The following IL1RAPL2 variants were observed in gnomAD, a reference collection of about 807,000 sequenced individuals.
IL1RAPL2 encodes interleukin 1 receptor accessory protein like 2, also known as X-linked interleukin-1 receptor accessory protein-like 2.
In IL1RAPL2, 3 loss-of-function variants were observed where a neutral mutation model predicts 44.1. That is an observed-to-expected ratio of 0.07 (90% CI 0.03 to 0.18). IL1RAPL2 has a LOEUF of 0.18. IL1RAPL2 is among the 10% of genes least tolerant of loss of function. IL1RAPL2 has a pLI of 1.00. For synonymous variants in IL1RAPL2, 181 were observed against 178.8 expected (o/e 1.01, Z -0.10); for missense variants, 391 against 496.4 (o/e 0.79, Z 2.02).
At chrX:105,577,467 G>A (rs2037058942) in intron 6 of IL1RAPL2, among the ~76,000 whole-genome samples, 1 of 110,792 alleles carries the variant, frequency 9.0e-6, no homozygotes, top group Admixed American at 9.7e-5. Flanking sequence ...CAAGGTTATA[G>A]TTATATCAAA....
intron 1 of IL1RAPL2, among the ~76,000 whole-genome samples, chrX:104,651,766 G>C (rs1417154705): frequency 9.0e-6 from 1 of 111,537 alleles, no homozygotes; most frequent in African/African-American, 3.3e-5. Flanking sequence ...AGACAGAGGA[G>C]CTAGAATGGG....
chrX:105,595,300 TCTTCCAC>T (rs980337895), intron 6 of IL1RAPL2, among the ~76,000 whole-genome samples: 1 of 111,966 alleles, frequency 8.9e-6, no homozygotes, highest in African/African-American at 3.2e-5. Context: ...AAAAAATATT[TCTTCCAC>T]CAAACAAGTT....
At chrX:104,928,355 T>C (rs1924821301) in intron 2 of IL1RAPL2, among the ~76,000 whole-genome samples, 1 of 111,462 alleles carries the variant, frequency 9.0e-6, no homozygotes, top group African/African-American at 3.3e-5. Context: ...CCACCGAGTG[T>C]CTTATCAGTC....
chrX:105,511,496 A>G (rs936883664), intron 6 of IL1RAPL2, among the ~76,000 whole-genome samples: 3 of 110,656 alleles, frequency 2.7e-5, no homozygotes, highest in Non-Finnish European at 5.7e-5. Flanking sequence ...TCTAGCCACA[A>G]AGAATTTTCT....
At chrX:105,072,272 G>A (rs1042456159) in intron 2 of IL1RAPL2, among the ~76,000 whole-genome samples, 11 of 111,633 alleles carry the variant, frequency 9.9e-5, no homozygotes, top group African/African-American at 3.6e-4. Context: ...CTTCCCATCC[G>A]CAGAACCATT....
At chrX:105,665,742 G>GT (rs1178543516) in intron 6 of IL1RAPL2, among the ~76,000 whole-genome samples, 5 of 83,722 alleles carry the variant, frequency 6.0e-5, no homozygotes, top group Non-Finnish European at 9.0e-5. Context: ...TTGTTTTTTT[G>GT]TTTTTTTTTT....
In IL1RAPL2 at chrX:104,607,160, T is replaced by C. The variant is rs761399315; in HGVS notation, c.-20+40109T>C. On this transcript the variant is annotated intron_variant, in intron 1 of 10. Transcript: ENST00000372582. ...GGGAAAATATTCCCTATTTAATAAA[T>C]GGTGTTGGGAAAACTGGCTAGCCAG... 2.1e-4 allele frequency among the ~76,000 whole-genome samples: 24 copies of C among 112,169 alleles called. 1 individual carries two copies. In the South Asian group the frequency reaches 8.5e-3, roughly 40 times the overall value.
chrX:104,636,368 G>C (rs1370950724), intron 1 of IL1RAPL2, among the ~76,000 whole-genome samples: 1 of 112,225 alleles, frequency 8.9e-6, no homozygotes, highest in Admixed American at 9.4e-5. Flanking sequence ...TCTCTTCAAA[G>C]CTGCCAGACA....
At chrX:105,104,900 T>A (rs1020953773) in intron 2 of IL1RAPL2, among the ~76,000 whole-genome samples, 8 of 112,191 alleles carry the variant, frequency 7.1e-5, no homozygotes. Flanking sequence ...ACCCTGTCAC[T>A]CTCTAACATT....
Position 105,079,856 on chromosome X carries a change from G to A in IL1RAPL2, c.83-115619G>A, listed in dbSNP as rs369567467. ...TTCCTATTTCTCCACATCCTCTCCA[G>A]CATCTGTTGTTTCCTGACTTTTTAA... On this transcript the variant is annotated intron_variant, in intron 2 of 10. Coordinates refer to ENST00000372582, the MANE Select transcript of IL1RAPL2 (RefSeq NM_017416.2). Among the ~76,000 whole-genome samples the A allele has an allele frequency of 1.3e-4, 14 of 111,054 alleles. No individual in the cohort carries two copies. In the East Asian group the frequency reaches 3.7e-3, roughly 30 times the overall value.
At chrX:105,249,801 TAC>T (rs1254822380) in intron 4 of IL1RAPL2, among the ~76,000 whole-genome samples, 1 of 111,819 alleles carries the variant, frequency 8.9e-6, no homozygotes, top group African/African-American at 3.2e-5. Flanking sequence ...GGCAGTTCAT[TAC>T]AAAGTTCAAA....
intron 6 of IL1RAPL2, among the ~76,000 whole-genome samples, chrX:105,713,697 G>A (rs1255370806): frequency 9.0e-6 from 1 of 111,497 alleles, no homozygotes; most frequent in East Asian, 2.9e-4. Context: ...AGCTTGTGAT[G>A]GGAGAGGCTG....
chrX:104,649,957 T>C (rs1219384511), intron 1 of IL1RAPL2, among the ~76,000 whole-genome samples: 2 of 112,247 alleles, frequency 1.8e-5, no homozygotes, highest in Non-Finnish European at 3.8e-5. Flanking sequence ...TCAAAAGATT[T>C]AGTTCAATTA....
chrX:104,825,029 G>A (rs770970252), intron 2 of IL1RAPL2, among the ~76,000 whole-genome samples: 93 of 111,763 alleles, frequency 8.3e-4, no homozygotes, highest in Admixed American at 3.1e-3. Flanking sequence ...CCCTATAGAC[G>A]AAATACATTA....
At chrX:105,710,372 T>TTC (rs2038199256) in intron 6 of IL1RAPL2, among the ~76,000 whole-genome samples, 1 of 104,793 alleles carries the variant, frequency 9.5e-6, no homozygotes, top group South Asian at 4.4e-4. Context: ...TTTTTTTTTT[T>TTC]TTTTTTTCGG....
intron 1 of IL1RAPL2, among the ~76,000 whole-genome samples, chrX:104,582,692 T>TTC (rs201958180): frequency 2.0e-5 from 2 of 98,309 alleles, no homozygotes; most frequent in Non-Finnish European, 4.1e-5. Context: ...CTTTCTTTCT[T>TTC]TCTCTCTCTC....
chrX:104,580,526 C>T (rs1301094178), intron 1 of IL1RAPL2, among the ~76,000 whole-genome samples: 2 of 112,149 alleles, frequency 1.8e-5, no homozygotes, highest in African/African-American at 3.2e-5. Flanking sequence ...CCTCAGGCAA[C>T]CTGAAATACT....
At chrX:105,036,073 G>T (rs1485989473) in intron 2 of IL1RAPL2, among the ~76,000 whole-genome samples, 1 of 111,293 alleles carries the variant, frequency 9.0e-6, no homozygotes, top group East Asian at 2.8e-4. Context: ...TCATTCTTTT[G>T]GTAATGAGAC....
At chrX:105,629,398 G>A (rs996672384) in intron 6 of IL1RAPL2, among the ~76,000 whole-genome samples, 1 of 111,700 alleles carries the variant, frequency 9.0e-6, no homozygotes, top group African/African-American at 3.3e-5. Context: ...GACAGAAGAA[G>A]AGATTAGTGA....
Sources: allele counts gnomAD v4.1 joint callset (sites outside exome capture counted in the v4.1 genomes callset), GRCh38; gene constraint gnomAD v4.1.1; transcripts MANE v1.5; gene names NCBI Gene and HGNC (gene_info 2026-07-23, HGNC 2026-07-21).